The following MYCBP2 variants were observed in gnomAD, a reference collection of about 807,000 sequenced individuals.
MYCBP2 encodes the protein MYC binding protein 2.
In MYCBP2, 120 loss-of-function variants were observed where a neutral mutation model predicts 525.3. That is an observed-to-expected ratio of 0.23 (90% CI 0.20 to 0.27). The LOEUF (loss-of-function observed/expected upper bound fraction) is 0.27, where lower values mean the gene tolerates loss of function less well. Among genes scored for constraint, MYCBP2 ranks in the 10% least tolerant of loss-of-function variants. MYCBP2 has a pLI of 1.00. For synonymous variants in MYCBP2, 1,894 were observed against 1,955.8 expected (o/e 0.97, Z 0.83); for missense variants, 4,149 against 5,657.1 (o/e 0.73, Z 8.55).
intron 5 of MYCBP2, 126 bp from the exon 6 acceptor site, chr13:77,270,664 C>T (rs1411888701): frequency 1.9e-6 from 2 of 1,041,412 alleles, no homozygotes; most frequent in African/African-American, 1.6e-5. Context: ...ATTTCGCATG[C>T]CAGCAAAAAG....
chr13:77,076,933 G>T, intron 67 of MYCBP2, 84 bp from the exon 68 acceptor site: 2 of 1,186,624 alleles, frequency 1.7e-6, no homozygotes, highest in Non-Finnish European at 1.2e-6. Flanking sequence ...TGATTCCGCA[G>T]GTTTTATAAT....
chr13:77,225,616 T>A, intron 18 of MYCBP2, 62 bp from the exon 19 acceptor site: 2 of 1,589,148 alleles, frequency 1.3e-6, no homozygotes, highest in South Asian at 2.2e-5. Context: ...AATAAAAATT[T>A]AAATCAGTTT....
chr13:77,140,194 G>A, intron 50 of MYCBP2, 31 bp from the exon 51 acceptor site: 1 of 1,390,828 alleles, frequency 7.2e-7, no homozygotes, highest in East Asian at 2.3e-5. Flanking sequence ...CAGTGAGGTA[G>A]GAAGAACATA....
intron 54 of MYCBP2, among the ~76,000 whole-genome samples, chr13:77,123,662 C>T (rs2051140171): frequency 6.6e-6 from 1 of 152,168 alleles, no homozygotes; most frequent in Admixed American, 6.6e-5. Context: ...AAAAGTTGCA[C>T]AGCTGGGATC....
At chr13:77,284,024 T>C (rs1332890861) in intron 3 of MYCBP2, among the ~76,000 whole-genome samples, 2 of 152,244 alleles carry the variant, frequency 1.3e-5, no homozygotes, top group African/African-American at 4.8e-5. Context: ...ATTCAGGGAA[T>C]AGAAAGCTCG....
At chr13:77,100,725 T>C (rs1483576228) in intron 55 of MYCBP2, among the ~76,000 whole-genome samples, 1 of 151,942 alleles carries the variant, frequency 6.6e-6, no homozygotes, top group African/African-American at 2.4e-5. Flanking sequence ...TAAAACATAA[T>C]GCTTTTTAGT....
chr13:77,131,851 G>C (rs1429796836), intron 52 of MYCBP2, among the ~76,000 whole-genome samples: 1 of 152,088 alleles, frequency 6.6e-6, no homozygotes, highest in African/African-American at 2.4e-5. Context: ...GCAACTCTAA[G>C]CTGATAATCT....
intron 1 of MYCBP2, among the ~76,000 whole-genome samples, chr13:77,301,512 G>A (rs919578671): frequency 6.6e-6 from 1 of 151,714 alleles, no homozygotes; most frequent in Admixed American, 6.6e-5. Flanking sequence ...TAGAGGGAGG[G>A]AGCGGTCTAT....
intron 52 of MYCBP2, among the ~76,000 whole-genome samples, chr13:77,136,266 G>A (rs1191640786): frequency 6.6e-6 from 1 of 152,122 alleles, no homozygotes; most frequent in Non-Finnish European, 1.5e-5. Context: ...CCCTCCCATG[G>A]CAATGTAATA....
At chr13:77,324,236 G>T (rs1192299226) in intron 1 of MYCBP2, among the ~76,000 whole-genome samples, 1 of 152,146 alleles carries the variant, frequency 6.6e-6, no homozygotes, top group East Asian at 1.9e-4. Flanking sequence ...AGCCACAGAG[G>T]CTACTGTTTC....
chr13:77,291,711 G>C (rs1294189559), intron 2 of MYCBP2, among the ~76,000 whole-genome samples: 1 of 151,772 alleles, frequency 6.6e-6, no homozygotes, highest in Admixed American at 6.6e-5. Flanking sequence ...AGGTTGCAAT[G>C]AGCCGAGATC....
At chr13:77,299,496 A>G (rs2078544899) in intron 1 of MYCBP2, among the ~76,000 whole-genome samples, 1 of 152,182 alleles carries the variant, frequency 6.6e-6, no homozygotes, top group Non-Finnish European at 1.5e-5. Flanking sequence ...TTTCTAAAAG[A>G]GCCAGTAATA....
rs763583531 is a variant in MYCBP2, at chr13:77,090,114, C to T, written c.10517G>A (p.Gly3506Glu). ...KAIPRRRVNS[G>E]DTEVGSSLLR... ...TTTATCCTCATACTTACCAGTGTCT[C>T]CACTGTTAACTCTTCTTCTAGGAAT... Residue 3506 changes from glycine (G) to glutamate (E), a missense_variant, in exon 60 of 83, where the codon GGA (glycine) becomes GAA (glutamate). By Grantham distance (98) the Gly-to-Glu change is moderately conservative. Around this residue, in one of 21 missense-constraint regions of MYCBP2, gnomAD observed 509 missense variants for 789.4 expected, o/e 0.64. Transcript: ENST00000544440. 4.3e-6 allele frequency: 7 copies of T among 1,609,444 alleles called. No individual in the cohort carries two copies. In the Admixed American group the frequency reaches 6.7e-5, roughly 15 times the overall value.
chr13:77,299,182 A>T (rs2078510236), intron 1 of MYCBP2, among the ~76,000 whole-genome samples: 3 of 152,176 alleles, frequency 2.0e-5, no homozygotes, highest in African/African-American at 7.2e-5. Context: ...ATCCAAATTC[A>T]GATAGATTTC....
chr13:77,060,758 C>A (rs7326637), intron 76 of MYCBP2, among the ~76,000 whole-genome samples: 3 of 152,156 alleles, frequency 2.0e-5, no homozygotes, highest in African/African-American at 7.2e-5. Context: ...ATCATAAAAT[C>A]ATACAACCTT....
At chr13:77,318,887 G>A (rs2081271164) in intron 1 of MYCBP2, among the ~76,000 whole-genome samples, 2 of 152,148 alleles carry the variant, frequency 1.3e-5, no homozygotes, top group African/African-American at 4.8e-5. Context: ...ACTGATTTTT[G>A]CACAGTGCTT....
chr13:77,272,761 T>C (rs1232832088), intron 5 of MYCBP2, among the ~76,000 whole-genome samples: 2 of 152,162 alleles, frequency 1.3e-5, no homozygotes, highest in South Asian at 2.1e-4. Context: ...AAATGACCAA[T>C]ATACTCCTTT....
At chr13:77,094,710 A>G (rs573171737) in intron 58 of MYCBP2, among the ~76,000 whole-genome samples, 13 of 152,102 alleles carry the variant, frequency 8.5e-5, no homozygotes, top group Non-Finnish European at 1.6e-4. Context: ...ACAGATTTCT[A>G]TTTATCCTTT....
At position 77,326,376 on chromosome 13, in the gene MYCBP2, T is replaced by TACACACACGCAAGCAC; in HGVS notation, c.302+82_302+97dup. Reference sequence around the variant, plus strand: ...ACTGAAAGCTCAATAAATGCGCAGGTACACACACGCAAGCACACACACACG... The same window carrying TACACACACGCAAGCAC: ...ACTGAAAGCTCAATAAATGCGCAGGTACACACACGCAAGCACACACACACGCAAGCACACACACACG... On this transcript the variant is annotated intron_variant, in intron 1 of 82. Transcript: ENST00000544440. This position sits in a 1 kb window ranked among gnomAD's most constrained non-coding sequence, Gnocchi z 4.2. 1 of 1,213,566 alleles carries TACACACACGCAAGCAC rather than the reference T, an allele frequency of 8.2e-7. No individual in the cohort carries two copies. The highest frequency in any genetic ancestry group is 1.1e-6 in the Non-Finnish European group (1 of 901,134). 75.2% of individuals were successfully genotyped at this position (1,213,566 alleles called of 1,614,324 possible). A position where few individuals can be genotyped will look rare whatever the true frequency, so the allele number is the denominator to read the frequency against.
Sources: allele counts gnomAD v4.1 joint callset (sites outside exome capture counted in the v4.1 genomes callset), GRCh38; gene constraint gnomAD v4.1.1; regional missense constraint gnomAD v4.1.1; non-coding constraint Gnocchi (gnomAD v3.1); transcripts MANE v1.5; gene names NCBI Gene and HGNC (gene_info 2026-07-23, HGNC 2026-07-21).